Variants in RASGRF2 observed in about 807,000 individuals in gnomAD.
RASGRF2 encodes ras-specific guanine nucleotide-releasing factor 2.
In RASGRF2, 76 loss-of-function variants were observed where a neutral mutation model predicts 151.0. The ratio of observed to expected loss-of-function variants is 0.50; its 90% confidence interval spans 0.42 to 0.61. The LOEUF (loss-of-function observed/expected upper bound fraction) is 0.61. Among genes scored for constraint, RASGRF2 ranks in the 20% least tolerant of loss-of-function variants. The pLI, the probability that RASGRF2 is intolerant of heterozygous loss-of-function variation, is 0.00. For synonymous variants in RASGRF2, 504 were observed against 566.5 expected (o/e 0.89, Z 1.57); for missense variants, 1,148 against 1,564.6 (o/e 0.73, Z 4.49).
Position 81,166,443 on chromosome 5 carries a change from CT to C in RASGRF2, c.2687-13731del, listed in dbSNP as rs1292203181. On this transcript the variant is annotated intron_variant, in intron 17 of 26. Coordinates refer to ENST00000265080, the MANE Select transcript of RASGRF2 (RefSeq NM_006909.3). ...CCTCAGGAGATCCACCCACATCAGC[CT>C]CCCAAACTGCTGGGATTACAGGTGT... Among the ~76,000 whole-genome samples the C allele has an allele frequency of 2.0e-5, 3 of 152,292 alleles. No homozygotes were observed. In the East Asian group the frequency reaches 5.8e-4, roughly 29 times the overall value.
At chr5:80,966,583 G>A (rs917889861) in intron 1 of RASGRF2, among the ~76,000 whole-genome samples, 9 of 152,076 alleles carry the variant, frequency 5.9e-5, no homozygotes, top group African/African-American at 2.2e-4. Flanking sequence ...ATTTGGTTCC[G>A]CCAAAGGGAA....
chr5:81,008,692 C>T (rs1218844380), intron 1 of RASGRF2, among the ~76,000 whole-genome samples: 1 of 151,958 alleles, frequency 6.6e-6, no homozygotes, highest in Non-Finnish European at 1.5e-5. Context: ...CTCTTCTTCC[C>T]TCCCTCCTTC....
intron 1 of RASGRF2, among the ~76,000 whole-genome samples, chr5:81,012,306 A>G (rs1056326781): frequency 1.3e-5 from 2 of 152,156 alleles, no homozygotes; most frequent in Non-Finnish European, 2.9e-5. Flanking sequence ...TGGAATTAAT[A>G]GTAATTTATG....
intron 1 of RASGRF2, among the ~76,000 whole-genome samples, chr5:80,987,971 A>G (rs1201079038): frequency 4.3e-5 from 5 of 115,376 alleles, no homozygotes; most frequent in Non-Finnish European, 3.6e-5. Context: ...GTACCACATT[A>G]TCATCTCTAC....
chr5:81,076,091 C>T (rs1031634541), intron 5 of RASGRF2, among the ~76,000 whole-genome samples: 1 of 152,118 alleles, frequency 6.6e-6, no homozygotes, highest in African/African-American at 2.4e-5. Context: ...TTAGAATTGA[C>T]CATGGGTTTA....
chr5:81,079,733 A>G (rs1752033327), intron 5 of RASGRF2, among the ~76,000 whole-genome samples: 1 of 151,624 alleles, frequency 6.6e-6, no homozygotes, highest in South Asian at 2.1e-4. Context: ...TTCTGTCAAA[A>G]CTCATTTTAC....
chr5:81,125,484 A>C (rs1753428084), intron 16 of RASGRF2, among the ~76,000 whole-genome samples: 1 of 152,134 alleles, frequency 6.6e-6, no homozygotes, highest in Admixed American at 6.5e-5. Context: ...TTGTCATAGT[A>C]CTACTATGGA....
intron 18 of RASGRF2, 127 bp from the exon 19 acceptor site, chr5:81,201,203 T>C: frequency 7.2e-7 from 1 of 1,386,858 alleles, no homozygotes; most frequent in Non-Finnish European, 9.5e-7. Flanking sequence ...GGCAGGGAAC[T>C]CTAGGGTCCA....
In RASGRF2 at chr5:81,112,618, C is replaced by A; in HGVS notation, c.1847C>A (p.Ala616Asp). The stretch of plus-strand genomic sequence containing the variant: ...CCTGCCTTTGCACGTAGGTCTGATG[C>A]CCGTCTTCATAAAGACGACACTGAC... ...VTVPHMIKSD[A>D]RLHKDDTDIC... The change falls in exon 14 of 27, where the codon GCC becomes GAC. Residue 616 changes from alanine to aspartate, a missense_variant. Transcript: ENST00000265080. 1 of 1,614,186 alleles carries A rather than the reference C, an allele frequency of 6.2e-7. No homozygotes were observed. The highest frequency in any genetic ancestry group is 8.5e-7 in the Non-Finnish European group (1 of 1,180,026).
intron 12 of RASGRF2, among the ~76,000 whole-genome samples, chr5:81,095,586 GA>G (rs1752524587): frequency 6.6e-6 from 1 of 152,168 alleles, no homozygotes; most frequent in African/African-American, 2.4e-5. Flanking sequence ...GTCATGATTG[GA>G]CTTGGACATT....
chr5:81,042,205 ATCCAACAATAACTTACATTACACCTC>A (rs1457623268), intron 1 of RASGRF2, among the ~76,000 whole-genome samples: 1 of 152,154 alleles, frequency 6.6e-6, no homozygotes, highest in Non-Finnish European at 1.5e-5. Flanking sequence ...AGTTCCTTTC[ATCCAACAATAACTTACATTACACCTC>A]TGCCAAAAAG....
At position 81,219,746 on chromosome 5, in the gene RASGRF2, C is replaced by G. The variant is rs1414285345; in HGVS notation, c.3589C>G (p.Gln1197Glu). 1.2e-6 allele frequency: 2 copies of G among 1,611,314 alleles called. No individual in the cohort carries two copies. The highest frequency in any genetic ancestry group is 1.7e-6 in the Non-Finnish European group (2 of 1,177,586). ...CATCAGAGAGATACGCCAGTTCCAG[C>G]AGACTTCCTACAGAATAGATCATCA... ...HIIREIRQFQQTSYRIDHQPK... is the reference protein window; with the variant it reads ...HIIREIRQFQETSYRIDHQPK... Residue 1197 changes from glutamine (Q) to glutamate (E), a missense_variant, in exon 26 of 27, where the codon CAG (glutamine) becomes GAG (glutamate). Gln to Glu is a conservative substitution (Grantham distance 29). Coordinates refer to ENST00000265080, the MANE Select transcript of RASGRF2 (RefSeq NM_006909.3).
At chr5:81,121,501 T>C (rs1353825478) in intron 15 of RASGRF2, among the ~76,000 whole-genome samples, 1 of 152,198 alleles carries the variant, frequency 6.6e-6, no homozygotes, top group Non-Finnish European at 1.5e-5. Context: ...TTGCAAAATT[T>C]TCTGGCAGGA....
chr5:81,217,532 G>T (rs1458684030), intron 25 of RASGRF2, 59 bp downstream of exon 25: 1 of 1,241,202 alleles, frequency 8.1e-7, no homozygotes, highest in Non-Finnish European at 1.1e-6. Context: ...TAGAGAAGAG[G>T]CTAAGTAATA....
At position 81,227,439 on chromosome 5, in the gene RASGRF2, C is replaced by CA; in HGVS notation, c.*1671dup. 6.6e-6 allele frequency: 1 copy of CA among 152,352 alleles called. No homozygotes were observed. The highest frequency in any genetic ancestry group is 1.5e-5 in the Non-Finnish European group (1 of 68,036). 9.4% of individuals were successfully genotyped at this position (152,352 alleles called of 1,614,324 possible). Reference sequence around the variant, plus strand: ...TCATATTAGCCAACAGTGTAGCACTCAACCCAAGGAGGGTTCCTTATGGAT... The same window carrying CA: ...TCATATTAGCCAACAGTGTAGCACTCAAACCCAAGGAGGGTTCCTTATGGAT... On this transcript the variant is annotated 3_prime_UTR_variant, in exon 27 of 27. Transcript: ENST00000265080.
At chr5:81,132,581 T>C (rs1194147616) in intron 17 of RASGRF2, among the ~76,000 whole-genome samples, 1 of 152,216 alleles carries the variant, frequency 6.6e-6, no homozygotes, top group African/African-American at 2.4e-5. Context: ...GTAAGACTTT[T>C]CCTCACACTC....
At chr5:81,138,131 T>G (rs1425109992) in intron 17 of RASGRF2, among the ~76,000 whole-genome samples, 1 of 152,190 alleles carries the variant, frequency 6.6e-6, no homozygotes, top group East Asian at 1.9e-4. Flanking sequence ...TGTAATCTAC[T>G]GTTATCTTAC....
In RASGRF2 at chr5:81,094,862, G is replaced by A; in HGVS notation, c.1625G>A (p.Gly542Asp). Reference sequence around the variant, plus strand: ...TGCTTTACATGTGTTCAAGCTAAAGGTTCTGGGCAAGTGTTTGGGCACCTG... The same window carrying A: ...TGCTTTACATGTGTTCAAGCTAAAGATTCTGGGCAAGTGTTTGGGCACCTG... ...EPDASDDDSKGSGQVFGHLDF... is the reference protein window; with the variant it reads ...EPDASDDDSKDSGQVFGHLDF... The change falls in exon 12 of 27, where the codon GGT becomes GAT. Residue 542 changes from glycine to aspartate, a missense_variant. Physicochemically the swap from Gly to Asp is moderately conservative, Grantham distance 94. This residue lies in a region of RASGRF2 where 646 missense variants were observed against 807.4 expected (regional missense o/e 0.80). Transcript: ENST00000265080. 1 of 1,600,896 alleles carries A rather than the reference G, an allele frequency of 6.2e-7. No individual in the cohort carries two copies. Among genetic ancestry groups the A allele is most frequent in the Non-Finnish European group, 8.6e-7 (1 of 1,168,980 alleles).
chr5:81,205,242 G>A (rs1425685903), intron 19 of RASGRF2, among the ~76,000 whole-genome samples: 4 of 152,196 alleles, frequency 2.6e-5, no homozygotes, highest in East Asian at 1.9e-4. Flanking sequence ...TCAGACAGCC[G>A]AGGGAAGGGA....
Sources: allele counts gnomAD v4.1 joint callset (sites outside exome capture counted in the v4.1 genomes callset), GRCh38; gene constraint gnomAD v4.1.1; regional missense constraint gnomAD v4.1.1; transcripts MANE v1.5; gene names NCBI Gene and HGNC (gene_info 2026-07-23, HGNC 2026-07-21).